Variants in MGMT observed in about 807,000 individuals in gnomAD.
MGMT encodes the protein methylated-DNA--protein-cysteine methyltransferase.
In MGMT, 14 loss-of-function variants were observed where a neutral mutation model predicts 15.9. The ratio of observed to expected loss-of-function variants is 0.88; its 90% CI spans 0.58 to 1.37. The LOEUF is 1.37. Among genes scored for constraint, MGMT ranks in the 40% most tolerant of loss-of-function variants. MGMT has a pLI of 0.00. For synonymous variants in MGMT, 130 were observed against 118.2 expected, an observed-to-expected ratio of 1.10 and a Z score of -0.65; for missense variants, 282 against 268.1, an observed-to-expected ratio of 1.05 and a Z score of -0.36.
chr10:129,635,139 C>A (rs61046021), intron 2 of MGMT, among the ~76,000 whole-genome samples: 1,781 of 152,266 alleles, frequency 0.012, 44 homozygotes, highest in African/African-American at 0.042. Flanking sequence ...TGCTCCCAGC[C>A]CTGCAAGAGC....
At chr10:129,506,115 C>G (rs1450681578) in intron 1 of MGMT, among the ~76,000 whole-genome samples, 1 of 150,702 alleles carries the variant, frequency 6.6e-6, no homozygotes, top group African/African-American at 2.5e-5. Flanking sequence ...GTGGTTGTTA[C>G]AACTGAGGGG....
chr10:129,593,751 AAAGAGGTTTTC>A, intron 2 of MGMT, among the ~76,000 whole-genome samples: 1 of 152,272 alleles, frequency 6.6e-6, no homozygotes, highest in South Asian at 2.1e-4. Flanking sequence ...CTGTGCTTCC[AAAGAGGTTTTC>A]AAGAGGTTGA....
intron 2 of MGMT, among the ~76,000 whole-genome samples, chr10:129,655,359 A>T (rs1170077793): frequency 6.6e-6 from 1 of 152,248 alleles, no homozygotes; most frequent in Non-Finnish European, 1.5e-5. Context: ...ATCTGTCTTT[A>T]GACTCAGTTG....
chr10:129,614,362 T>C lies in MGMT; in HGVS notation c.125+77985T>C, dbSNP rs887475836. On this transcript the variant is annotated intron_variant, in intron 2 of 4. Transcript: ENST00000651593. The stretch of plus-strand genomic sequence containing the variant: ...CACAAGCCGTCTAAGACACGTGGTC[T>C]AGGGTTTGCTAGTGATCGTCTGTGG... Among the ~76,000 whole-genome samples the C allele has an allele frequency of 5.3e-5, 8 of 152,176 alleles. No homozygotes were observed. In the South Asian group the frequency reaches 1.2e-3, roughly 24 times the overall value.
chr10:129,511,989 ATTTAAAGCCGC>A (rs1183292121), intron 1 of MGMT, among the ~76,000 whole-genome samples: 1 of 152,140 alleles, frequency 6.6e-6, no homozygotes, highest in Non-Finnish European at 1.5e-5. Context: ...CAGGTCGAGG[ATTTAAAGCCGC>A]CTAGCTCAGG....
chr10:129,758,547 C>T (rs1287163037), intron 3 of MGMT, among the ~76,000 whole-genome samples: 3 of 152,118 alleles, frequency 2.0e-5, no homozygotes, highest in African/African-American at 4.8e-5. Context: ...CCTCCTCATT[C>T]CTGCAGCAGG....
In MGMT at chr10:129,768,481, C is replaced by T. The variant is rs916623230; in HGVS notation, c.*1484C>T. Among the ~76,000 whole-genome samples, 21 of 152,352 alleles carry T rather than the reference C, an allele frequency of 1.4e-4. No individual in the cohort carries two copies. Among genetic ancestry groups the T allele is most frequent in the African/African-American group, 2.9e-4 (12 of 41,584 alleles). The stretch of plus-strand genomic sequence containing the variant: ...CGCACGCCGCGTCACCGTCAGGACT[C>T]GCAGGCTGTCTGGTCATTTTTGACG... On this transcript the variant is annotated 3_prime_UTR_variant, in exon 5 of 5. Transcript: ENST00000651593.
At chr10:129,639,552 G>A (rs185540290) in intron 2 of MGMT, among the ~76,000 whole-genome samples, 8 of 152,308 alleles carry the variant, frequency 5.3e-5, no homozygotes, top group African/African-American at 1.9e-4. Flanking sequence ...AGGCCAAGAT[G>A]TGGAAAATCC....
chr10:129,633,839 A>G (rs922731115), intron 2 of MGMT, among the ~76,000 whole-genome samples: 9 of 152,240 alleles, frequency 5.9e-5, no homozygotes, highest in African/African-American at 1.9e-4. Flanking sequence ...AAAGAACCAG[A>G]TAGTAAATAT....
intron 2 of MGMT, among the ~76,000 whole-genome samples, chr10:129,574,388 A>G (rs12356518): frequency 3.2e-4 from 49 of 152,342 alleles, no homozygotes; most frequent in African/African-American, 1.1e-3. Flanking sequence ...AGTTCATACC[A>G]AGCTCACATA....
At chr10:129,766,738 C>A (rs1589983859) in intron 4 of MGMT, 50 bp from the exon 5 acceptor site, 1 of 1,539,614 alleles carries the variant, frequency 6.5e-7, no homozygotes, top group East Asian at 2.3e-5. Flanking sequence ...ACCCCAAAGA[C>A]CTCGTTGTCC....
intron 4 of MGMT, among the ~76,000 whole-genome samples, chr10:129,762,672 GCA>G (rs2133188106): frequency 6.6e-6 from 1 of 152,178 alleles, no homozygotes; most frequent in Admixed American, 6.5e-5. Flanking sequence ...TCGATACATT[GCA>G]CAGAGAGTCT....
intron 1 of MGMT, among the ~76,000 whole-genome samples, chr10:129,525,807 G>A (rs1320381182): frequency 2.0e-5 from 3 of 152,078 alleles, no homozygotes; most frequent in Non-Finnish European, 2.9e-5. Flanking sequence ...CTCCCCCTTC[G>A]TGTTTGCATG....
intron 3 of MGMT, among the ~76,000 whole-genome samples, chr10:129,746,318 C>T (rs970335090): frequency 6.6e-5 from 10 of 150,862 alleles, no homozygotes; most frequent in East Asian, 1.9e-4. Flanking sequence ...TTTTTTTTCC[C>T]TTTTTAATGA....
chr10:129,703,571 G>A (rs1848123434), intron 2 of MGMT, among the ~76,000 whole-genome samples: 1 of 152,116 alleles, frequency 6.6e-6, no homozygotes, highest in African/African-American at 2.4e-5. Context: ...CTGACCTTGA[G>A]GTGCATGCCT....
chr10:129,499,067 C>G (rs894818267), intron 1 of MGMT, among the ~76,000 whole-genome samples: 5 of 152,142 alleles, frequency 3.3e-5, no homozygotes, highest in Non-Finnish European at 7.3e-5. Context: ...GAAACCTGGC[C>G]CTCTTTATCT....
intron 1 of MGMT, among the ~76,000 whole-genome samples, chr10:129,509,341 G>A (rs1487677105): frequency 6.6e-6 from 1 of 152,142 alleles, no homozygotes; most frequent in African/African-American, 2.4e-5. Context: ...CGACATGCAG[G>A]ATTGCACCTT....
At chr10:129,642,493 T>C (rs1232082249) in intron 2 of MGMT, among the ~76,000 whole-genome samples, 2 of 152,046 alleles carry the variant, frequency 1.3e-5, no homozygotes, top group Admixed American at 6.5e-5. Context: ...CTTTTAAAAA[T>C]AGTGATTATC....
At chr10:129,625,602 A>G (rs1391629636) in intron 2 of MGMT, among the ~76,000 whole-genome samples, 3 of 152,234 alleles carry the variant, frequency 2.0e-5, no homozygotes, top group African/African-American at 7.2e-5. Context: ...TATGATGATA[A>G]TGATCATAGT....
Sources: allele counts gnomAD v4.1 joint callset (sites outside exome capture counted in the v4.1 genomes callset), GRCh38; gene constraint gnomAD v4.1.1; transcripts MANE v1.5; gene names NCBI Gene and HGNC (gene_info 2026-07-23, HGNC 2026-07-21).